LARGE1: variants seen among roughly 807,000 people sequenced by gnomAD.
LARGE1 encodes the protein xylosyl- and glucuronyltransferase LARGE1.
Under a neutral mutation model 87.6 loss-of-function variants are expected in LARGE1, and 43 were observed. The observed-to-expected ratio is 0.49, with a 90% CI of 0.38 to 0.63. The LOEUF is 0.63. LARGE1 is among the 30% of genes least tolerant of loss of function. The pLI is 0.00. For missense variants in LARGE1, 802 were observed against 1,000.2 expected, an observed-to-expected ratio of 0.80 and a Z score of 2.67; for synonymous variants, 434 against 394.6, an observed-to-expected ratio of 1.10 and a Z score of -1.18.
chr22:33,749,080 T>C (rs963086472), intron 2 of LARGE1, among the ~76,000 whole-genome samples: 1 of 152,246 alleles, frequency 6.6e-6, no homozygotes, highest in Non-Finnish European at 1.5e-5. Flanking sequence ...ACAGGTCATT[T>C]AGTCTTTATA....
At chr22:33,213,600 G>A (rs1645008409) in intron 11 of LARGE1, among the ~76,000 whole-genome samples, 1 of 152,292 alleles carries the variant, frequency 6.6e-6, no homozygotes, top group South Asian at 2.1e-4. Context: ...ATCAAGGCAA[G>A]ATCATCCGCC....
intron 1 of LARGE1, among the ~76,000 whole-genome samples, chr22:33,871,108 T>C (rs2064266256): frequency 6.6e-6 from 1 of 152,234 alleles, no homozygotes; most frequent in Non-Finnish European, 1.5e-5. Context: ...TGCTCTGCAC[T>C]CAGGAGCACC....
intron 7 of LARGE1, among the ~76,000 whole-genome samples, chr22:33,412,300 T>TAC (rs1160106745): frequency 2.6e-5 from 4 of 151,354 alleles, no homozygotes; most frequent in African/African-American, 9.7e-5. Context: ...CATATATATA[T>TAC]ATATATTTAT....
chr22:33,254,406 T>A (rs1927157028), intron 11 of LARGE1, among the ~76,000 whole-genome samples: 1 of 152,206 alleles, frequency 6.6e-6, no homozygotes, highest in Non-Finnish European at 1.5e-5. Flanking sequence ...GTTTGGTTGG[T>A]TGCTACAGAG....
the LARGE1 span, among the ~76,000 whole-genome samples, chr22:33,128,302 G>C: frequency 6.6e-6 from 1 of 152,160 alleles, no homozygotes; most frequent in South Asian, 2.1e-4. Flanking sequence ...ACATGCGTGG[G>C]TATGTTCCTT....
chr22:33,438,331 T>C (rs1449053882), intron 6 of LARGE1, among the ~76,000 whole-genome samples: 1 of 152,152 alleles, frequency 6.6e-6, no homozygotes, highest in Non-Finnish European at 1.5e-5. Flanking sequence ...TGGGAGTTAT[T>C]GTAATAAAAC....
At chr22:33,698,239 AT>A (rs2082309679) in intron 2 of LARGE1, among the ~76,000 whole-genome samples, 1 of 151,270 alleles carries the variant, frequency 6.6e-6, no homozygotes, top group South Asian at 2.1e-4. Context: ...CGCTCGGCTA[AT>A]TTTTGTATTT....
In LARGE1 at chr22:33,257,812, T is replaced by C. The variant is rs1187362346; in HGVS notation, c.1730+46417A>G. Among the ~76,000 whole-genome samples the C allele has an allele frequency of 1.3e-5, 2 of 152,216 alleles. 1 individual carries two copies. The highest frequency in any genetic ancestry group is 4.8e-5 in the African/African-American group (2 of 41,444). ...TAACAAATATCTATTTAGGACCTACTACATGTTAGGAACTGGAGCTACTCT... is the reference window on the plus strand; with the variant it reads ...TAACAAATATCTATTTAGGACCTACCACATGTTAGGAACTGGAGCTACTCT... On this transcript the variant is annotated intron_variant, in intron 11 of 11. Coordinates refer to the LARGE1 transcript ENST00000608642.
At chr22:33,569,852 AG>A (rs1388554090) in intron 5 of LARGE1, among the ~76,000 whole-genome samples, 4 of 152,216 alleles carry the variant, frequency 2.6e-5, no homozygotes, top group South Asian at 2.1e-4. Context: ...TCCTTGAGGC[AG>A]GGACGATGTC....
At position 33,339,895 on chromosome 22, in the gene LARGE1, G is replaced by A. The variant is rs1352417103; in HGVS notation, c.1132-2094C>T. On this transcript the variant is annotated intron_variant, in intron 9 of 14. Coordinates refer to ENST00000397394, the MANE Select transcript of LARGE1 (RefSeq NM_133642.5). The stretch of plus-strand genomic sequence containing the variant: ...TGCCCAGGCTGGTCTCAAACTCCTG[G>A]GCTCAAGTGATCCTCCCACCTTGGC... Among the ~76,000 whole-genome samples the A allele has an allele frequency of 2.0e-5, 3 of 151,980 alleles. No individual in the cohort carries two copies. In the East Asian group the frequency reaches 5.8e-4, roughly 29 times the overall value.
the LARGE1 span, among the ~76,000 whole-genome samples, chr22:33,129,426 A>C: frequency 2.0e-5 from 3 of 152,210 alleles, no homozygotes; most frequent in Non-Finnish European, 2.9e-5. Context: ...AATTGCAATA[A>C]GGTTTTATAC....
chr22:33,434,120 T>C (rs946871917), intron 6 of LARGE1, among the ~76,000 whole-genome samples: 15 of 152,162 alleles, frequency 9.9e-5, no homozygotes, highest in African/African-American at 3.1e-4. Context: ...GCAGAACAAT[T>C]AGATCTGAAA....
At chr22:33,282,694 A>G (rs181954989) in intron 13 of LARGE1, among the ~76,000 whole-genome samples, 1 of 152,300 alleles carries the variant, frequency 6.6e-6, no homozygotes, top group East Asian at 1.9e-4. Context: ...GGTCACCTTG[A>G]TGACTTGAAG....
intron 1 of LARGE1, among the ~76,000 whole-genome samples, chr22:33,828,003 G>C (rs891037029): frequency 8.5e-5 from 13 of 152,212 alleles, no homozygotes; most frequent in South Asian, 2.1e-4. Flanking sequence ...GAATAAAAGA[G>C]ATGATATCAG....
intron 5 of LARGE1, among the ~76,000 whole-genome samples, chr22:33,583,751 G>A (rs1030056257): frequency 3.9e-5 from 6 of 152,116 alleles, no homozygotes; most frequent in East Asian, 1.9e-4. Context: ...TGCTTCCCTC[G>A]CCTTGTCCAT....
At position 33,468,153 on chromosome 22, in the gene LARGE1, G is replaced by A. The variant is rs141690798; in HGVS notation, c.788-35888C>T. On this transcript the variant is annotated intron_variant, in intron 6 of 14. Transcript: ENST00000397394. ...ACAGCCTGGTCTCTGTTTTGATCTT[G>A]TGACTCTTTGATCAGAGCATTCATT... is the stretch of plus-strand genomic sequence containing the variant. Among the ~76,000 whole-genome samples, 150 of 152,290 alleles carry A rather than the reference G, an allele frequency of 9.8e-4. 2 individuals carry two copies. The highest frequency in any genetic ancestry group is 3.2e-3 in the African/African-American group (135 of 41,564).
intron 4 of LARGE1, among the ~76,000 whole-genome samples, chr22:33,609,214 GAC>G (rs2079353579): frequency 6.6e-6 from 1 of 152,194 alleles, no homozygotes. Context: ...GTCAGAGGAA[GAC>G]AGAATACAAA....
the LARGE1 span, chr22:33,109,027 T>C: frequency 6.6e-6 from 1 of 152,222 alleles, no homozygotes; most frequent in Non-Finnish European, 1.5e-5. Context: ...AAATTCTACC[T>C]GTGAAATGTT....
intron 6 of LARGE1, among the ~76,000 whole-genome samples, chr22:33,544,499 C>G (rs1310880694): frequency 6.6e-6 from 1 of 152,092 alleles, no homozygotes; most frequent in Non-Finnish European, 1.5e-5. Flanking sequence ...CCTGCCTGGC[C>G]AACATGGTGA....
Sources: allele counts gnomAD v4.1 joint callset (sites outside exome capture counted in the v4.1 genomes callset), GRCh38; gene constraint gnomAD v4.1.1; transcripts MANE v1.5; gene names NCBI Gene and HGNC (gene_info 2026-07-23, HGNC 2026-07-21).